Variants in CCSER1 observed in about 807,000 individuals in gnomAD.
CCSER1 encodes coiled-coil serine rich protein 1.
A neutral mutation model predicts 82.0 loss-of-function variants in CCSER1; 41 were observed. The observed-to-expected ratio is 0.50, with a 90% CI of 0.39 to 0.65. CCSER1 has a LOEUF of 0.65. CCSER1 is among the 30% of genes least tolerant of loss of function. The pLI is 0.00. For synonymous variants in CCSER1, 414 were observed against 383.9 expected, an observed-to-expected ratio of 1.08 and a Z score of -0.92; for missense variants, 1,119 against 1,064.2, an observed-to-expected ratio of 1.05 and a Z score of -0.72.
intron 7 of CCSER1, among the ~76,000 whole-genome samples, chr4:90,732,056 T>TCTCTCTCTCTCTCTCA (rs761678318): frequency 0.099 from 14,193 of 143,088 alleles, 866 homozygotes; most frequent in South Asian, 0.18. Flanking sequence ...TCTCTCTCTC[T>TCTCTCTCTCTCTCTCA]CTCTCACTGC....
intron 1 of CCSER1, among the ~76,000 whole-genome samples, chr4:90,252,680 TGATTA>T (rs1440889758): frequency 2.0e-5 from 3 of 151,912 alleles, no homozygotes; most frequent in African/African-American, 7.2e-5. Context: ...AAATTATTAT[TGATTA>T]TAGTGCCCCT....
At chr4:91,104,631 A>T (rs534136984) in intron 10 of CCSER1, among the ~76,000 whole-genome samples, 1 of 152,340 alleles carries the variant, frequency 6.6e-6, no homozygotes, top group South Asian at 2.1e-4. Context: ...TCAAGCTGCT[A>T]TAACAAATTA....
At chr4:91,451,456 A>T (rs1578491690) in intron 10 of CCSER1, among the ~76,000 whole-genome samples, 1 of 152,166 alleles carries the variant, frequency 6.6e-6, no homozygotes, top group East Asian at 1.9e-4. Context: ...CTTAAAGAAA[A>T]AAGTCCAGCA....
In CCSER1 at chr4:90,958,138, GT is replaced by G. The variant is rs1466648340; in HGVS notation, c.2172+34694del. 3.9e-5 allele frequency among the ~76,000 whole-genome samples: 6 copies of G among 152,200 alleles called. No individual in the cohort carries two copies. In the East Asian group the frequency reaches 1.2e-3, roughly 29 times the overall value. On this transcript the variant is annotated intron_variant, in intron 9 of 10. Coordinates refer to ENST00000509176, the MANE Select transcript of CCSER1 (RefSeq NM_001145065.2). ...TGGGATGCATCAAGTTTTATTTAAT[GT>G]TTAAGACCTCTGAATTTTCTCTGAA...
intron 8 of CCSER1, among the ~76,000 whole-genome samples, chr4:90,847,972 A>G (rs1179506397): frequency 3.9e-5 from 6 of 152,172 alleles, no homozygotes; most frequent in Admixed American, 3.9e-4. Flanking sequence ...TTGTTTTTCA[A>G]ACTTAGTATG....
chr4:91,237,144 C>A (rs561031768), intron 10 of CCSER1, among the ~76,000 whole-genome samples: 1 of 151,920 alleles, frequency 6.6e-6, no homozygotes, highest in African/African-American at 2.4e-5. Flanking sequence ...TTTTTCATTG[C>A]AATAAAATCA....
chr4:90,821,965 T>G (rs1292434667), intron 8 of CCSER1, among the ~76,000 whole-genome samples: 1 of 152,178 alleles, frequency 6.6e-6, no homozygotes, highest in Non-Finnish European at 1.5e-5. Flanking sequence ...AAATGATTAT[T>G]AATCTTATCA....
chr4:91,269,766 C>A (rs1440472761), intron 10 of CCSER1, among the ~76,000 whole-genome samples: 2 of 152,072 alleles, frequency 1.3e-5, no homozygotes, highest in African/African-American at 4.8e-5. Flanking sequence ...ATCAAGAGAA[C>A]TTTAACTTCC....
At chr4:91,248,060 AAC>A (rs1023824575) in intron 10 of CCSER1, among the ~76,000 whole-genome samples, 2 of 152,136 alleles carry the variant, frequency 1.3e-5, no homozygotes, top group African/African-American at 4.8e-5. Context: ...AAAACAAAAC[AAC>A]ACACATATTG....
intron 9 of CCSER1, among the ~76,000 whole-genome samples, chr4:90,994,826 A>G (rs1351086424): frequency 2.0e-5 from 3 of 152,134 alleles, no homozygotes; most frequent in Non-Finnish European, 2.9e-5. Context: ...TCATTAATCC[A>G]CTGTGGTAGG....
At chr4:91,468,388 G>C (rs555369039) in intron 10 of CCSER1, among the ~76,000 whole-genome samples, 1 of 152,060 alleles carries the variant, frequency 6.6e-6, no homozygotes, top group South Asian at 2.1e-4. Context: ...AGCATTAGGA[G>C]ATATACCTAA....
At chr4:90,566,959 G>T (rs1579202020) in intron 5 of CCSER1, among the ~76,000 whole-genome samples, 1 of 150,636 alleles carries the variant, frequency 6.6e-6, no homozygotes, top group Non-Finnish European at 1.5e-5. Flanking sequence ...TCATTTATTT[G>T]AGTCTTCTGT....
intron 3 of CCSER1, among the ~76,000 whole-genome samples, chr4:90,365,295 T>A (rs965426599): frequency 2.0e-5 from 3 of 151,830 alleles, no homozygotes; most frequent in Non-Finnish European, 4.4e-5. Flanking sequence ...TAACATCCCA[T>A]TTGGCTGTCC....
At chr4:90,337,209 C>A (rs956281475) in intron 3 of CCSER1, among the ~76,000 whole-genome samples, 16 of 152,244 alleles carry the variant, frequency 1.1e-4, no homozygotes, top group African/African-American at 3.6e-4. Context: ...AGGGCCTCAA[C>A]TGATCATATA....
chr4:90,308,904 C>T lies in CCSER1; in HGVS notation c.620C>T (p.Ser207Phe), dbSNP rs750313546. ...CAATCCATTTCATTGGTACAACAGT[C>T]TGAATTCTCATTGGAAGTTACACAG... ...QSQSISLVQQSEFSLEVTQYQ... is the reference protein window; with the variant it reads ...QSQSISLVQQFEFSLEVTQYQ... The change falls in exon 2 of 11, where the codon TCT becomes TTT. Residue 207 changes from serine (S) to phenylalanine (F), a missense_variant. Coordinates refer to ENST00000509176, the MANE Select transcript of CCSER1 (RefSeq NM_001145065.2). 52 of 1,613,758 alleles carry T rather than the reference C, an allele frequency of 3.2e-5. No homozygotes were observed. Among genetic ancestry groups the T allele is most frequent in the Non-Finnish European group, 4.1e-5 (48 of 1,179,836 alleles).
intron 5 of CCSER1, among the ~76,000 whole-genome samples, chr4:90,578,281 T>C (rs1180858359): frequency 6.6e-6 from 1 of 152,172 alleles, no homozygotes; most frequent in African/African-American, 2.4e-5. Context: ...GGGTTTAAAC[T>C]GGGCCAAAAT....
Position 90,281,650 on chromosome 4 carries a change from C to G in CCSER1, c.-41-26594C>G, listed in dbSNP as rs998211266. Among the ~76,000 whole-genome samples, 3 of 151,902 alleles carry G rather than the reference C, an allele frequency of 2.0e-5. No individual in the cohort carries two copies. The East Asian group carries it at 5.8e-4, about 29-fold the overall frequency. The stretch of plus-strand genomic sequence containing the variant: ...TATTACCATATGTAGTAAAGTGATT[C>G]ATAGGAATGAATTACTGCCATTCTC... On this transcript the variant is annotated intron_variant, in intron 1 of 10. Transcript: ENST00000509176.
chr4:90,323,292 CT>C (rs1737507822), intron 3 of CCSER1, among the ~76,000 whole-genome samples: 1 of 152,176 alleles, frequency 6.6e-6, no homozygotes, highest in South Asian at 2.1e-4. Flanking sequence ...AGTCCACTGG[CT>C]CCAAGTCCAG....
intron 1 of CCSER1, among the ~76,000 whole-genome samples, chr4:90,217,350 C>A (rs1741250541): frequency 6.6e-6 from 1 of 152,116 alleles, no homozygotes; most frequent in African/African-American, 2.4e-5. Context: ...GTGCCTGCCA[C>A]CATGCCTGGC....
Sources: allele counts gnomAD v4.1 joint callset (sites outside exome capture counted in the v4.1 genomes callset), GRCh38; gene constraint gnomAD v4.1.1; transcripts MANE v1.5; gene names NCBI Gene and HGNC (gene_info 2026-07-23, HGNC 2026-07-21).